SLC1A4: variants seen among roughly 807,000 people sequenced by gnomAD.
SLC1A4 encodes neutral amino acid transporter A.
SLC1A4 carries 19 observed loss-of-function variants against 37.7 expected under a neutral mutation model. The ratio of observed to expected loss-of-function variants is 0.50; its 90% confidence interval spans 0.35 to 0.74. SLC1A4 has a LOEUF of 0.74. Among genes scored for constraint, SLC1A4 ranks in the 30% least tolerant of loss-of-function variants. The pLI, the probability that SLC1A4 is intolerant of heterozygous loss-of-function variation, is 0.01. For missense variants in SLC1A4, 570 were observed against 712.9 expected, an observed-to-expected ratio of 0.80 and a Z score of 2.28; for synonymous variants, 299 against 309.8, an observed-to-expected ratio of 0.97 and a Z score of 0.37.
At chr2:65,004,139 G>T in intron 3 of SLC1A4, 124 bp downstream of exon 3, 1 of 748,080 alleles carries the variant, frequency 1.3e-6, no homozygotes. Flanking sequence ...GGAGCGAACA[G>T]GTTAGGTTTG....
In SLC1A4 at chr2:65,008,597, C is replaced by T. The variant is rs373180283; in HGVS notation, c.634-2000C>T. On this transcript the variant is annotated intron_variant, in intron 3 of 7. Coordinates refer to ENST00000234256, the MANE Select transcript of SLC1A4 (RefSeq NM_003038.5). ...TCAAGGCTGCAGTGAGCCGTGTTCA[C>T]GCCACTGCACTTCAGCCTGGATGAC... 8.1e-4 allele frequency among the ~76,000 whole-genome samples: 123 copies of T among 152,144 alleles called. No homozygotes were observed. The Middle Eastern group carries it at 0.01, about 13-fold the overall frequency.
rs1058922 is a variant in SLC1A4 at position 65,023,407 on chromosome 2, A to T, written c.*2261A>T. 0.12 allele frequency: 18,556 copies of T among 152,210 alleles called. 1,170 individuals carry two copies. Among genetic ancestry groups the T allele is most frequent in the Middle Eastern group, 0.19 (56 of 294 alleles). 9.4% of individuals were successfully genotyped at this position (152,210 alleles called of 1,614,324 possible). ...CAAGTTTGTGTTTGGATAGAGGGGA[A>T]CTTAACTATTAACTACAAGTTGTAT... On this transcript the variant is annotated 3_prime_UTR_variant, in exon 8 of 8. Coordinates refer to ENST00000234256, the MANE Select transcript of SLC1A4 (RefSeq NM_003038.5).
rs571853947 is a variant in SLC1A4 at position 65,009,628 on chromosome 2, G to A, written c.634-969G>A. Among the ~76,000 whole-genome samples the A allele has an allele frequency of 2.2e-3, 331 of 152,356 alleles. 1 individual carries two copies. The highest frequency in any genetic ancestry group is 5.6e-3 in the African/African-American group (232 of 41,574). Reference sequence around the variant, plus strand: ...ACTTGGGCTAGGGCCCAGCCTTTGCGCTCAAGCTGCAAGGGCTAGGGAACA... The same window carrying A: ...ACTTGGGCTAGGGCCCAGCCTTTGCACTCAAGCTGCAAGGGCTAGGGAACA... On this transcript the variant is annotated intron_variant, in intron 3 of 7. Transcript: ENST00000234256.
chr2:65,000,057 C>T (rs1673402280), intron 1 of SLC1A4: 1 of 152,170 alleles, frequency 6.6e-6, no homozygotes, highest in Non-Finnish European at 1.5e-5. Context: ...CCTGGAGATC[C>T]TGGTGAGCAA....
intron 3 of SLC1A4, among the ~76,000 whole-genome samples, chr2:65,008,740 C>T (rs1393041080): frequency 1.3e-5 from 2 of 152,212 alleles, no homozygotes; most frequent in Non-Finnish European, 2.9e-5. Flanking sequence ...CTAGAATGAT[C>T]TCCAAGATAT....
Position 64,989,909 on chromosome 2 carries a change from T to C in SLC1A4, c.266T>C (p.Ile89Thr). Residue 89 changes from isoleucine to threonine, a missense_variant, in exon 1 of 8, where the codon ATC (isoleucine) becomes ACC (threonine). Physicochemically the swap from Ile to Thr is moderately conservative, Grantham distance 89. Coordinates refer to ENST00000234256, the MANE Select transcript of SLC1A4 (RefSeq NM_003038.5). Reference protein sequence around the residue: ...GEMLLRMLRMIILPLVVCSLV... With the variant: ...GEMLLRMLRMTILPLVVCSLV... ...ATGCTGCTCCGCATGCTGCGCATGA[T>C]CATCCTGCCGCTGGTGGTCTGCAGC... 3.2e-6 allele frequency: 5 copies of C among 1,558,194 alleles called. No homozygotes were observed. Among genetic ancestry groups the C allele is most frequent in the Non-Finnish European group, 4.3e-6 (5 of 1,154,542 alleles).
In SLC1A4 at chr2:65,018,679, TGTAA is replaced by T. The variant is rs750411456; in HGVS notation, c.1364+5_1364+8del. 6.2e-7 allele frequency: 1 copy of T among 1,614,110 alleles called. No individual in the cohort carries two copies. Among genetic ancestry groups the T allele is most frequent in the Non-Finnish European group, 8.5e-7 (1 of 1,180,004 alleles). Reference sequence around the variant, plus strand: ...CTGATCCTGGCTGTGGACTGGATTGTGTAAGTAACAAGTCCTGAGAACACCAAAA... The same window carrying T: ...CTGATCCTGGCTGTGGACTGGATTGTGTAACAAGTCCTGAGAACACCAAAA... On this transcript the variant is annotated splice_donor_variant and splice_donor_region_variant and intron_variant, in intron 7 of 7. Transcript: ENST00000234256. LOFTEE classifies it high-confidence loss of function. This position sits in a 1 kb window ranked among gnomAD's most constrained non-coding sequence, Gnocchi z 4.3.
chr2:64,989,361 C>G, upstream of SLC1A4: 1 of 309,424 alleles, frequency 3.2e-6, no homozygotes, highest in Non-Finnish European at 5.9e-6. Context: ...CCTCCTACTT[C>G]CCCGTCTGCG....
intron 3 of SLC1A4, among the ~76,000 whole-genome samples, chr2:65,010,274 C>T (rs1673863282): frequency 6.6e-6 from 1 of 152,090 alleles, no homozygotes; most frequent in African/African-American, 2.4e-5. Context: ...TAAAAGCAGC[C>T]CTTTGAGGTG....
In SLC1A4 at chr2:65,017,347, T is replaced by TAA. The variant is rs11343144; in HGVS notation, c.1034+688_1034+689dup. Among the ~76,000 whole-genome samples, 1,080 of 111,318 alleles carry TAA rather than the reference T, an allele frequency of 9.7e-3. 9 individuals carry two copies. The highest frequency in any genetic ancestry group is 0.042 in the East Asian group (192 of 4,584). The allele number at this position is 111,318 out of a possible 152,430, so 73.0% of individuals were successfully genotyped here. A position where few individuals can be genotyped will look rare whatever the true frequency, so the allele number is the denominator to read the frequency against. On this transcript the variant is annotated intron_variant, in intron 5 of 7. Transcript: ENST00000234256. ...CATCCTGTCATTCACTGGAAAACCT[T>TAA]AAAAAAAAAAAAAAACACTGGGTTT...
chr2:65,007,270 T>TTGTG (rs57019332), intron 3 of SLC1A4, among the ~76,000 whole-genome samples: 1 of 149,360 alleles, frequency 6.7e-6, no homozygotes, highest in African/African-American at 2.5e-5. Flanking sequence ...AAGAGTGTGT[T>TTGTG]TGTGTGTGTG....
At chr2:65,017,889 T>C (rs182878244) in intron 5 of SLC1A4, among the ~76,000 whole-genome samples, 182 bp from the exon 6 acceptor site, 58 of 152,144 alleles carry the variant, frequency 3.8e-4, no homozygotes, top group African/African-American at 1.4e-3. Flanking sequence ...ATCTTGGGAG[T>C]TGCCAAAGCC....
At chr2:64,996,628 T>C (rs772332492) in intron 1 of SLC1A4, among the ~76,000 whole-genome samples, 21 of 152,140 alleles carry the variant, frequency 1.4e-4, no homozygotes, top group Admixed American at 1.0e-3. Flanking sequence ...AAATAAAACT[T>C]AAAAATCAGT....
chr2:64,990,248 C>T (rs1013698425), intron 1 of SLC1A4, 78 bp downstream of exon 1: 36 of 1,270,360 alleles, frequency 2.8e-5, no homozygotes, highest in Non-Finnish European at 3.5e-5. Context: ...CACCCATATG[C>T]TTATACACTC....
In SLC1A4 at chr2:64,990,097, G is replaced by T. The variant is rs1185921231; in HGVS notation, c.454G>T (p.Asp152Tyr). 1 of 1,610,408 alleles carries T rather than the reference G, an allele frequency of 6.2e-7. No homozygotes were observed. The highest frequency in any genetic ancestry group is 2.2e-5 in the East Asian group (1 of 44,774). Residue 152 changes from aspartate to tyrosine, a missense_variant, in exon 1 of 8, where the codon GAC becomes TAC. Physicochemically the swap from Asp to Tyr is radical, Grantham distance 160. Coordinates refer to ENST00000234256, the MANE Select transcript of SLC1A4 (RefSeq NM_003038.5). The part of the protein sequence containing the change: ...GSGAQTLQSS[D>Y]LGLEDSGPPP... ...CGGTGCGCAGACCCTTCAGTCCAGC[G>T]ACCTGGGGCTGGAGGACTCGGGGCC... is the stretch of plus-strand genomic sequence containing the variant.
chr2:65,016,455 C>T lies in SLC1A4; in HGVS notation c.816C>T (p.Gly272=), dbSNP rs541656714. 21 of 1,614,026 alleles carry T rather than the reference C, an allele frequency of 1.3e-5. No homozygotes were observed. The African/African-American group carries it at 2.7e-4, about 20-fold the overall frequency. The change falls in exon 5 of 8, where the codon GGC becomes GGT. Residue 272 remains glycine, a synonymous_variant. Transcript: ENST00000234256. The part of the protein sequence containing the change: ...VSWIMWYVPV[G]IMFLVGSKIV... ...TGTGCCCTAGGTACGTACCTGTGGG[C>T]ATCATGTTCCTTGTTGGAAGCAAGA...
At chr2:64,990,254 C>G (rs1161575342) in intron 1 of SLC1A4, 84 bp downstream of exon 1, 2 of 1,251,958 alleles carry the variant, frequency 1.6e-6, no homozygotes, top group Admixed American at 5.7e-5. Context: ...TATGCTTATA[C>G]ACTCCTAAGA....
chr2:64,993,792 G>A (rs1202924048), intron 1 of SLC1A4, among the ~76,000 whole-genome samples: 1 of 152,140 alleles, frequency 6.6e-6, no homozygotes, highest in Non-Finnish European at 1.5e-5. Flanking sequence ...AATCATGATG[G>A]TACCCACCTC....
intron 3 of SLC1A4, among the ~76,000 whole-genome samples, chr2:65,005,323 C>T (rs1283255191): frequency 6.6e-6 from 1 of 152,254 alleles, no homozygotes; most frequent in Non-Finnish European, 1.5e-5. Context: ...AGTGCCCACA[C>T]ACATTCCAAC....
Sources: gnomAD v4.1 joint callset for allele counts (sites outside exome capture counted in the v4.1 genomes callset) on GRCh38, gnomAD v4.1.1 for gene constraint, Gnocchi (gnomAD v3.1) non-coding constraint, MANE v1.5 for transcripts, NCBI Gene and HGNC (gene_info 2026-07-23, HGNC 2026-07-21) for gene names.